FGD6: variants seen among roughly 807,000 people sequenced by gnomAD.
FGD6 encodes FYVE, RhoGEF and PH domain containing 6.
A neutral mutation model predicts 149.4 loss-of-function variants in FGD6; 90 were observed. The ratio of observed to expected loss-of-function variants is 0.60; its 90% CI spans 0.51 to 0.72. The LOEUF is 0.72. FGD6 is among the 30% of genes least tolerant of loss of function. The probability of loss-of-function intolerance (pLI) is 0.00; values close to 1 mark genes in which losing one functional copy is unlikely to be tolerated. For missense variants in FGD6, 1,437 were observed against 1,684.8 expected (o/e 0.85, Z 2.57); for synonymous variants, 527 against 584.0 (o/e 0.90, Z 1.41).
intron 2 of FGD6, among the ~76,000 whole-genome samples, chr12:95,194,726 G>T (rs1051697155): frequency 6.6e-6 from 1 of 152,152 alleles, no homozygotes; most frequent in African/African-American, 2.4e-5. Flanking sequence ...ATACACATGT[G>T]AGTACAAGTA....
chr12:95,174,301 T>C (rs1039436048), intron 2 of FGD6, among the ~76,000 whole-genome samples: 16 of 152,182 alleles, frequency 1.1e-4, no homozygotes, highest in African/African-American at 3.9e-4. Context: ...GGACAGACTA[T>C]AGGATCCAAC....
At chr12:95,168,524 G>A (rs1281089025) in intron 3 of FGD6, among the ~76,000 whole-genome samples, 2 of 152,108 alleles carry the variant, frequency 1.3e-5, no homozygotes, top group Non-Finnish European at 2.9e-5. Flanking sequence ...TCAGCTGGGT[G>A]TAGTGGCGCA....
chr12:95,150,019 CACACACACACACACT>C (rs1314758702), intron 5 of FGD6, among the ~76,000 whole-genome samples: 13 of 146,548 alleles, frequency 8.9e-5, no homozygotes, highest in East Asian at 2.0e-4. Flanking sequence ...CACACACACA[CACACACACACACACT>C]TTTTTTTTTT....
chr12:95,194,168 T>G (rs1325425661), intron 2 of FGD6, among the ~76,000 whole-genome samples: 1 of 150,554 alleles, frequency 6.6e-6, no homozygotes, highest in Admixed American at 6.6e-5. Context: ...CAAATGATGT[T>G]CCTTCCTTGG....
chr12:95,175,115 T>C (rs1487719292), intron 2 of FGD6, among the ~76,000 whole-genome samples: 2 of 152,016 alleles, frequency 1.3e-5, no homozygotes, highest in East Asian at 3.9e-4. Flanking sequence ...AAAAAAGCTT[T>C]AAATATTAAA....
intron 14 of FGD6, 87 bp downstream of exon 14, chr12:95,104,920 A>C (rs1251479583): frequency 2.5e-6 from 3 of 1,198,514 alleles, no homozygotes; most frequent in Non-Finnish European, 2.3e-6. Context: ...CTCAAAAAAA[A>C]CCAAAAACCA....
chr12:95,154,356 G>A (rs1880409715), intron 3 of FGD6, among the ~76,000 whole-genome samples: 1 of 152,084 alleles, frequency 6.6e-6, no homozygotes. Context: ...TAATAAAGAT[G>A]ACTCAAAAAG....
chr12:95,150,097 G>A (rs1241758489), intron 5 of FGD6, among the ~76,000 whole-genome samples: 1 of 148,054 alleles, frequency 6.8e-6, no homozygotes, highest in African/African-American at 2.5e-5. Flanking sequence ...GCACAATCTC[G>A]ACTCACCGCA....
intron 9 of FGD6, among the ~76,000 whole-genome samples, chr12:95,113,164 C>G (rs764730320): frequency 6.6e-6 from 1 of 151,748 alleles, no homozygotes; most frequent in Non-Finnish European, 1.5e-5. Context: ...ATCCCCAGCA[C>G]TGCTTTACTA....
intron 8 of FGD6, among the ~76,000 whole-genome samples, chr12:95,131,108 GTTTTTTTTT>G (rs59897965): frequency 6.2e-5 from 8 of 128,354 alleles, no homozygotes; most frequent in Admixed American, 2.4e-4. Context: ...TGGCTAAAGA[GTTTTTTTTT>G]TTTTTTTTTT....
At chr12:95,128,733 CAGG>C (rs1879423165) in intron 8 of FGD6, among the ~76,000 whole-genome samples, 1 of 152,200 alleles carries the variant, frequency 6.6e-6, no homozygotes, top group Non-Finnish European at 1.5e-5. Flanking sequence ...CCCATCAGGG[CAGG>C]GGCCACCACT....
chr12:95,178,778 A>G (rs1462228618), intron 2 of FGD6, among the ~76,000 whole-genome samples: 1 of 152,196 alleles, frequency 6.6e-6, no homozygotes, highest in Non-Finnish European at 1.5e-5. Flanking sequence ...AAAAATAAAT[A>G]AAATCACTAA....
Position 95,217,432 on chromosome 12 carries a change from G to A in FGD6, c.-192C>T. 3.3e-6 allele frequency: 3 copies of A among 900,174 alleles called. No individual in the cohort carries two copies. Among genetic ancestry groups the A allele is most frequent in the Non-Finnish European group, 4.6e-6 (3 of 648,852 alleles). 55.8% of individuals were successfully genotyped at this position (900,174 alleles called of 1,614,324 possible). On this transcript the variant is annotated 5_prime_UTR_variant, in exon 1 of 21. Transcript: ENST00000343958. ...TCTAGCGACCCTGCGGCGCTCCCGG[G>A]CGCGAGCCGCCGGGGTCGGGCGGGC...
chr12:95,150,787 T>TA (rs1463447352), intron 5 of FGD6, among the ~76,000 whole-genome samples: 1 of 151,830 alleles, frequency 6.6e-6, no homozygotes, highest in African/African-American at 2.4e-5. Flanking sequence ...GTCCTATCAT[T>TA]AAAAAAAGAA....
At chr12:95,207,485 T>C (rs1276387771) in intron 2 of FGD6, among the ~76,000 whole-genome samples, 3 of 152,196 alleles carry the variant, frequency 2.0e-5, no homozygotes, top group Admixed American at 6.5e-5. Flanking sequence ...CTAAGAACAA[T>C]CTAAAGATTT....
Position 95,125,354 on chromosome 12 carries a change from T to A in FGD6, c.3082+9385A>T, listed in dbSNP as rs184462381. On this transcript the variant is annotated intron_variant, in intron 8 of 20. Coordinates refer to ENST00000343958, the MANE Select transcript of FGD6 (RefSeq NM_018351.4). ...AGCATTAAAATATTTCATGGATGGC[T>A]AGGTGTAGTGGCTCATGCCTATAAT... 3.0e-4 allele frequency among the ~76,000 whole-genome samples: 46 copies of A among 152,282 alleles called. 1 individual carries two copies. In the East Asian group the frequency reaches 8.5e-3, roughly 28 times the overall value.
intron 2 of FGD6, among the ~76,000 whole-genome samples, chr12:95,190,892 T>A (rs1314225514): frequency 2.6e-5 from 4 of 151,850 alleles, no homozygotes; most frequent in African/African-American, 7.3e-5. Flanking sequence ...CTCTATATTT[T>A]AAAAAAAAGT....
intron 3 of FGD6, among the ~76,000 whole-genome samples, chr12:95,167,216 T>C (rs1880845044): frequency 6.6e-6 from 1 of 152,190 alleles, no homozygotes; most frequent in Non-Finnish European, 1.5e-5. Context: ...CAAGTTTTTG[T>C]GTGGACATAT....
In FGD6 at chr12:95,149,105, G is replaced by T. The variant is rs189802946; in HGVS notation, c.2685+3706C>A. Among the ~76,000 whole-genome samples the T allele has an allele frequency of 2.9e-3, 8 of 2,718 alleles. 3 individuals are homozygous for T. The highest frequency in any genetic ancestry group is 3.5e-3 in the Non-Finnish European group (8 of 2,278). 1.8% of individuals were successfully genotyped at this position (2,718 alleles called of 152,430 possible). On this transcript the variant is annotated intron_variant, in intron 5 of 20. Transcript: ENST00000343958. ...AGCATATATTATATATATTATATAA[G>T]ATATAGCATATATTATATAATATAT...
Sources: allele counts gnomAD v4.1 joint callset (sites outside exome capture counted in the v4.1 genomes callset), GRCh38; gene constraint gnomAD v4.1.1; transcripts MANE v1.5; gene names NCBI Gene and HGNC (gene_info 2026-07-23, HGNC 2026-07-21).